Variants in PCDHA7 observed in about 807,000 individuals in gnomAD.
PCDHA7 encodes the protein protocadherin alpha 7, also known as protocadherin alpha-7.
A neutral mutation model predicts 57.2 loss-of-function variants in PCDHA7; 37 were observed. That is an observed-to-expected ratio of 0.65 (90% CI 0.50 to 0.85). PCDHA7 has a LOEUF of 0.85. Among genes scored for constraint, PCDHA7 ranks in the 40% least tolerant of loss-of-function variants. The pLI, the probability that PCDHA7 is intolerant of heterozygous loss-of-function variation, is 0.00. For missense variants in PCDHA7, 1,188 were observed against 1,241.8 expected (o/e 0.96, Z 0.65); for synonymous variants, 553 against 558.8 (o/e 0.99, Z 0.15).
In PCDHA7 at chr5:140,877,646, C is replaced by T. The variant is rs782472866; in HGVS notation, c.2355+40908C>T. 7 of 1,613,560 alleles carry T rather than the reference C, an allele frequency of 4.3e-6. No individual in the cohort carries two copies. The Admixed American group carries it at 6.7e-5, about 15-fold the overall frequency. On this transcript the variant is annotated intron_variant, in intron 1 of 3. Coordinates refer to ENST00000525929, the MANE Select transcript of PCDHA7 (RefSeq NM_018910.3). ...CTGTACACTGCGCTGCGTTGCTCAG[C>T]GCCGCCCACCGTGAGCCGGTGCGCG...
intron 1 of PCDHA7, among the ~76,000 whole-genome samples, chr5:140,879,278 T>C (rs2057927174): frequency 6.6e-6 from 1 of 152,180 alleles, no homozygotes; most frequent in Non-Finnish European, 1.5e-5. Flanking sequence ...ACAGACTCAA[T>C]ACAAATGATA....
intron 1 of PCDHA7, chr5:140,866,970 A>T (rs545469392): frequency 6.6e-6 from 1 of 152,296 alleles, no homozygotes; most frequent in African/African-American, 2.4e-5. Flanking sequence ...GTGACATCTG[A>T]AATATCACAG....
At chr5:140,982,585 A>G (rs782780327) in intron 3 of PCDHA7, 22 bp downstream of exon 3, 1 of 1,611,974 alleles carries the variant, frequency 6.2e-7, no homozygotes, top group Non-Finnish European at 8.5e-7. Context: ...GGGTCTCTCC[A>G]TTCTTTCTTG....
intron 1 of PCDHA7, chr5:140,968,366 G>A (rs145153557): frequency 7.4e-6 from 12 of 1,614,078 alleles, no homozygotes; most frequent in Non-Finnish European, 1.0e-5. Flanking sequence ...CCTTTATGCT[G>A]TCAACTCCTT....
chr5:140,859,825 T>A (rs752840072), intron 1 of PCDHA7: 18 of 152,366 alleles, frequency 1.2e-4, no homozygotes, highest in Non-Finnish European at 2.3e-4. Context: ...AGTTTAGAAG[T>A]GTATTTGTTA....
chr5:140,913,125 C>G (rs1164527264), intron 1 of PCDHA7, among the ~76,000 whole-genome samples: 1 of 152,132 alleles, frequency 6.6e-6, no homozygotes, highest in Non-Finnish European at 1.5e-5. Context: ...AAGTTAACCC[C>G]TCCTCTACTT....
chr5:140,856,991 T>C, intron 1 of PCDHA7: 1 of 1,595,770 alleles, frequency 6.3e-7, no homozygotes, highest in Non-Finnish European at 8.6e-7. Flanking sequence ...CAGTAACACT[T>C]ATGAAATTCA....
intron 1 of PCDHA7, among the ~76,000 whole-genome samples, chr5:140,936,591 G>T (rs1188475668): frequency 6.6e-6 from 1 of 152,180 alleles, no homozygotes; most frequent in Non-Finnish European, 1.5e-5. Context: ...CAGTTAGATT[G>T]CCTACTTTCC....
chr5:140,984,392 G>C (rs914978799), intron 3 of PCDHA7, among the ~76,000 whole-genome samples: 1 of 152,156 alleles, frequency 6.6e-6, no homozygotes, highest in South Asian at 2.1e-4. Context: ...TTCAAAAAAT[G>C]TTGAGAACCT....
intron 1 of PCDHA7, chr5:140,875,216 A>G: frequency 1.4e-6 from 1 of 717,612 alleles, no homozygotes. Flanking sequence ...ACCGAAAAGA[A>G]CCTCAGGATC....
Position 140,843,020 on chromosome 5 carries a change from G to A in PCDHA7, c.2355+6282G>A, listed in dbSNP as rs142550829. ...GAATGACAACGCGCCGGCACTGCTG[G>A]AGCCTCGGGTGGGTGGCACTGGTGG... On this transcript the variant is annotated intron_variant, in intron 1 of 3. Transcript: ENST00000525929. 14 of 1,595,174 alleles carry A rather than the reference G, an allele frequency of 8.8e-6. 2 individuals carry two copies. In the African/African-American group the frequency reaches 1.7e-4, roughly 20 times the overall value.
chr5:140,862,497 A>G (rs1337501785), intron 1 of PCDHA7: 1 of 394,588 alleles, frequency 2.5e-6, no homozygotes, highest in Non-Finnish European at 5.1e-6. Flanking sequence ...ATCGCTCGGA[A>G]TGGGGACTCG....
At chr5:140,941,259 T>TTCTTTCTTTCTTTCTTTC (rs2092988682) in intron 1 of PCDHA7, among the ~76,000 whole-genome samples, 1 of 121,734 alleles carries the variant, frequency 8.2e-6, no homozygotes, top group Non-Finnish European at 1.8e-5. Flanking sequence ...TTCTTTCTCT[T>TTCTTTCTTTCTTTCTTTC]TCTTTCTTTC....
chr5:141,002,841 G>T (rs2098098318), intron 3 of PCDHA7, among the ~76,000 whole-genome samples: 1 of 152,196 alleles, frequency 6.6e-6, no homozygotes, highest in African/African-American at 2.4e-5. Flanking sequence ...CCAGGACTAT[G>T]CACTAGTGAG....
At chr5:140,852,715 C>T in intron 1 of PCDHA7, 1 of 981,378 alleles carries the variant, frequency 1.0e-6, no homozygotes, top group Non-Finnish European at 1.2e-6. Context: ...TTTGTCTTTG[C>T]ACGTTTTTCA....
At chr5:140,875,277 G>T in intron 1 of PCDHA7, 1 of 1,315,080 alleles carries the variant, frequency 7.6e-7, no homozygotes, top group African/African-American at 1.5e-5. Context: ...CACTCAGAAG[G>T]TGAAACAGGA....
At chr5:140,877,141 G>T (rs1554169360) in intron 1 of PCDHA7, 2 of 1,613,680 alleles carry the variant, frequency 1.2e-6, no homozygotes, top group African/African-American at 1.3e-5. Flanking sequence ...GTTCGTGCTG[G>T]ACGAGAACGA....
intron 1 of PCDHA7, chr5:140,875,640 G>A (rs782266115): frequency 2.5e-6 from 4 of 1,613,688 alleles, no homozygotes; most frequent in Non-Finnish European, 3.4e-6. Context: ...GGCTGGAGCT[G>A]GCGGAGCTGG....
intron 1 of PCDHA7, chr5:140,966,951 C>T (rs781885198): frequency 6.2e-7 from 1 of 1,603,742 alleles, no homozygotes; most frequent in Non-Finnish European, 8.5e-7. Context: ...GGCAACGTGG[C>T]TCGCGCGCTG....
Sources: allele counts gnomAD v4.1 joint callset (sites outside exome capture counted in the v4.1 genomes callset), GRCh38; gene constraint gnomAD v4.1.1; transcripts MANE v1.5; gene names NCBI Gene and HGNC (gene_info 2026-07-23, HGNC 2026-07-21).